MAGED1: variants seen among roughly 807,000 people sequenced by gnomAD.
MAGED1 encodes the protein melanoma-associated antigen D1.
MAGED1 carries 3 observed loss-of-function variants against 54.1 expected under a neutral mutation model. The observed-to-expected ratio is 0.06, with a 90% CI of 0.03 to 0.14. The LOEUF (loss-of-function observed/expected upper bound fraction) is 0.14, where lower values mean the gene tolerates loss of function less well. Ranked by LOEUF, MAGED1 falls within the 10% of genes least tolerant of loss-of-function variation. MAGED1 has a pLI of 1.00. For synonymous variants in MAGED1, 217 were observed against 227.3 expected, an observed-to-expected ratio of 0.95 and a Z score of 0.41; for missense variants, 485 against 623.4, an observed-to-expected ratio of 0.78 and a Z score of 2.36.
At chrX:51,873,876 A>C (rs1306879734) in intron 1 of MAGED1, among the ~76,000 whole-genome samples, 1 of 111,241 alleles carries the variant, frequency 9.0e-6, no homozygotes, top group African/African-American at 3.3e-5. Context: ...ATACCTTGTC[A>C]GTGGAATTAG....
intron 1 of MAGED1, among the ~76,000 whole-genome samples, chrX:51,832,043 AC>A (rs1926087115): frequency 9.0e-6 from 1 of 110,823 alleles, no homozygotes; most frequent in South Asian, 3.8e-4. Flanking sequence ...TATTATTCTT[AC>A]TTTTTTGAAA....
chrX:51,884,811 A>G (rs1453404001), intron 1 of MAGED1, among the ~76,000 whole-genome samples: 1 of 112,575 alleles, frequency 8.9e-6, no homozygotes, highest in Non-Finnish European at 1.9e-5. Flanking sequence ...ACGGTTCAGC[A>G]TCCATAAATC....
Position 51,873,067 on chromosome X carries a change from A to T in MAGED1, c.-36-21202A>T, listed in dbSNP as rs186039010. Among the ~76,000 whole-genome samples the T allele has an allele frequency of 2.4e-3, 264 of 111,224 alleles. 1 individual carries two copies. Among genetic ancestry groups the T allele is most frequent in the African/African-American group, 7.7e-3 (236 of 30,589 alleles). On this transcript the variant is annotated intron_variant, in intron 1 of 12. Coordinates refer to the MAGED1 transcript ENST00000375772. Reference sequence around the variant, plus strand: ...TGTCAAAAAAAAAAAAATAAATAAAAAAATAAAAAGAAAGAGGGTTTAATT... The same window carrying T: ...TGTCAAAAAAAAAAAAATAAATAAATAAATAAAAAGAAAGAGGGTTTAATT...
intron 1 of MAGED1, among the ~76,000 whole-genome samples, chrX:51,828,158 A>T (rs1356786846): frequency 9.0e-6 from 1 of 111,430 alleles, no homozygotes; most frequent in Non-Finnish European, 1.9e-5. Flanking sequence ...TTAACTTTTT[A>T]GTGGTTACCC....
At chrX:51,835,659 A>T (rs1926218896) in intron 1 of MAGED1, among the ~76,000 whole-genome samples, 1 of 110,830 alleles carries the variant, frequency 9.0e-6, no homozygotes, top group African/African-American at 3.3e-5. Context: ...AAATTTGTTG[A>T]TATTTTTTGA....
At chrX:51,899,428 C>G (rs2147023885) in intron 10 of MAGED1, 1 of 109,592 alleles carries the variant, frequency 9.1e-6, no homozygotes, top group East Asian at 2.9e-4. Context: ...CGTGAGCGAC[C>G]GTACCGGGCG....
chrX:51,830,376 T>A (rs1369048005), intron 1 of MAGED1, among the ~76,000 whole-genome samples: 3 of 111,014 alleles, frequency 2.7e-5, no homozygotes, highest in African/African-American at 9.8e-5. Context: ...AAAGAGTACT[T>A]CATCTTTATC....
chrX:51,895,289 C>G lies in MAGED1; in HGVS notation c.282C>G (p.Phe94Leu). 1 of 1,211,042 alleles carries G rather than the reference C, an allele frequency of 8.3e-7. No homozygotes were observed. The highest frequency in any genetic ancestry group is 3.0e-5 in the East Asian group (1 of 33,820). ...AAGGCCCAAATGGTGTCTATGATTT[C>G]TCTCAGGCTCATAATGCCAAGGATG... ...TTKGPNGVYD[F>L]SQAHNAKDVP... Residue 94 changes from phenylalanine (F) to leucine (L), a missense_variant, in exon 3 of 13, where the codon TTC becomes TTG. Phe to Leu is a conservative substitution (Grantham distance 22, BLOSUM62 0). Transcript: ENST00000326587.
In MAGED1 at chrX:51,840,966, G is replaced by A. The variant is rs12840154; in HGVS notation, c.-37+37849G>A. 1.9e-3 allele frequency among the ~76,000 whole-genome samples: 211 copies of A among 110,455 alleles called. 1 individual carries two copies. The highest frequency in any genetic ancestry group is 9.2e-3 in the Middle Eastern group (2 of 218). On this transcript the variant is annotated intron_variant, in intron 1 of 12. Coordinates refer to the MAGED1 transcript ENST00000375772. ...TATATACCCAGTAATGGGATGGCTG[G>A]GTCAAATGGTATTTCTAGTTCTAGA... is the stretch of plus-strand genomic sequence containing the variant.
rs782745633 is a variant in MAGED1, at chrX:51,834,677, T to A, written c.-37+31560T>A. Among the ~76,000 whole-genome samples the A allele has an allele frequency of 4.0e-4, 45 of 111,875 alleles. 1 individual carries two copies. In the South Asian group the frequency reaches 0.013, roughly 31 times the overall value. ...GTTACATTTATATTCTGGATATGGA[T>A]TCCTTGTTAGTGTTGCAAATATCTG... On this transcript the variant is annotated intron_variant, in intron 1 of 12. Coordinates refer to the MAGED1 transcript ENST00000375772.
intron 1 of MAGED1, among the ~76,000 whole-genome samples, chrX:51,813,318 C>T (rs1427855167): frequency 1.8e-5 from 2 of 111,297 alleles, no homozygotes; most frequent in Admixed American, 1.9e-4. Context: ...CCACCATGTT[C>T]TGCTAACTGC....
At chrX:51,839,698 A>T (rs895156459) in intron 1 of MAGED1, among the ~76,000 whole-genome samples, 1 of 112,193 alleles carries the variant, frequency 8.9e-6, no homozygotes, top group African/African-American at 3.2e-5. Flanking sequence ...CTGCAAAGGG[A>T]TACATGCCAT....
chrX:51,850,994 A>G (rs1469962217), intron 1 of MAGED1, among the ~76,000 whole-genome samples: 7 of 111,431 alleles, frequency 6.3e-5, no homozygotes, highest in Non-Finnish European at 1.1e-4. Flanking sequence ...GTAAACGTGG[A>G]ATCCTTTGTA....
At chrX:51,838,190 T>C (rs967847332) in intron 1 of MAGED1, among the ~76,000 whole-genome samples, 1 of 112,676 alleles carries the variant, frequency 8.9e-6, no homozygotes, top group African/African-American at 3.2e-5. Context: ...CTAATGGCTC[T>C]AATTAACTCC....
At chrX:51,837,992 A>G (rs1254868285) in intron 1 of MAGED1, among the ~76,000 whole-genome samples, 1 of 112,821 alleles carries the variant, frequency 8.9e-6, no homozygotes, top group East Asian at 2.8e-4. Context: ...AAAGTTACAA[A>G]CAGTAGATAT....
At chrX:51,848,570 A>T (rs977747713) in intron 1 of MAGED1, among the ~76,000 whole-genome samples, 2 of 112,221 alleles carry the variant, frequency 1.8e-5, no homozygotes, top group Admixed American at 1.9e-4. Context: ...CTGAGACTAC[A>T]GCCTCCCCTC....
chrX:51,893,586 G>A (rs1363699485), upstream of MAGED1: 1 of 113,867 alleles, frequency 8.8e-6, no homozygotes, highest in Non-Finnish European at 1.9e-5. Context: ...GTCCTGAGGC[G>A]GTGGGTGGTA....
intron 2 of MAGED1, 129 bp from the exon 3 acceptor site, chrX:51,894,924 C>T (rs1928656966): frequency 1.1e-6 from 1 of 910,050 alleles, no homozygotes; most frequent in Non-Finnish European, 1.5e-6. Context: ...TCTGCCTCAG[C>T]CCCCCTGTTT....
At chrX:51,824,587 T>G (rs1218487855) in intron 1 of MAGED1, among the ~76,000 whole-genome samples, 1 of 109,646 alleles carries the variant, frequency 9.1e-6, no homozygotes, top group Non-Finnish European at 1.9e-5. Context: ...TGCTTTCAGC[T>G]GTAATTTGTT....
Sources: allele counts gnomAD v4.1 joint callset (sites outside exome capture counted in the v4.1 genomes callset), GRCh38; gene constraint gnomAD v4.1.1; transcripts MANE v1.5; gene names NCBI Gene and HGNC (gene_info 2026-07-23, HGNC 2026-07-21).